Variants in PCDHGB4 observed in about 807,000 individuals in gnomAD.
PCDHGB4 encodes protocadherin gamma-B4.
In PCDHGB4, 38 loss-of-function variants were observed where a neutral mutation model predicts 60.5. That is an observed-to-expected ratio of 0.63 (90% confidence interval 0.48 to 0.82). The LOEUF is 0.82. Ranked by LOEUF, PCDHGB4 falls within the 40% of genes least tolerant of loss-of-function variation. The pLI is 0.00. For missense variants in PCDHGB4, 1,109 were observed against 1,209.6 expected (o/e 0.92, Z 1.23); for synonymous variants, 456 against 509.7 (o/e 0.89, Z 1.42).
At chr5:141,414,083 G>C (rs964114178) in intron 1 of PCDHGB4, 1 of 1,601,124 alleles carries the variant, frequency 6.2e-7, no homozygotes, top group Non-Finnish European at 8.5e-7. Context: ...AAATATACTG[G>C]AGAAATAAAA....
At chr5:141,418,392 T>C (rs753094664) in intron 1 of PCDHGB4, 1 of 1,613,996 alleles carries the variant, frequency 6.2e-7, no homozygotes, top group Non-Finnish European at 8.5e-7. Context: ...AACGAGTATT[T>C]CTCATTGGTG....
intron 1 of PCDHGB4, among the ~76,000 whole-genome samples, chr5:141,436,923 T>C (rs2097854286): frequency 6.6e-6 from 1 of 152,224 alleles, no homozygotes; most frequent in African/African-American, 2.4e-5. Flanking sequence ...GAGTGTTACT[T>C]TTTCTTTGTC....
chr5:141,414,684 AC>A (rs1561750824), intron 1 of PCDHGB4: 1 of 1,613,924 alleles, frequency 6.2e-7, no homozygotes, highest in Admixed American at 1.7e-5. Flanking sequence ...TCCAGGGGGT[AC>A]CTCTGTCCTC....
rs138408376 is a variant in PCDHGB4 at position 141,421,859 on chromosome 5, T to C, written c.2397+31578T>C. The stretch of plus-strand genomic sequence containing the variant: ...CGAGAGAAAGAGGCTGCTCACCTGC[T>C]CCTCCTCACAGCTTTAGATGGAGGC... On this transcript the variant is annotated intron_variant, in intron 1 of 3. Coordinates refer to ENST00000519479, the MANE Select transcript of PCDHGB4 (RefSeq NM_003736.4). The C allele has an allele frequency of 1.7e-3, 2,741 of 1,613,710 alleles. 8 individuals carry two copies. Among genetic ancestry groups the C allele is most frequent in the Middle Eastern group, 8.1e-3 (49 of 6,062 alleles).
chr5:141,450,916 C>T (rs1168320527), intron 1 of PCDHGB4, among the ~76,000 whole-genome samples: 1 of 151,580 alleles, frequency 6.6e-6, no homozygotes, highest in Admixed American at 6.6e-5. Flanking sequence ...CCGCTGCCTC[C>T]CAGATTCAAG....
rs1554136305 is a variant in PCDHGB4, at chr5:141,450,006, CT to C, written c.2398-44783del. Reference sequence around the variant, plus strand: ...CACATTGCATTTAGTTGCCATGTCTCTTTTTTTTTTTTTTTTTTGAGACAGG... The same window carrying C: ...CACATTGCATTTAGTTGCCATGTCTCTTTTTTTTTTTTTTTTTGAGACAGG... On this transcript the variant is annotated intron_variant, in intron 1 of 3. Coordinates refer to ENST00000519479, the MANE Select transcript of PCDHGB4 (RefSeq NM_003736.4). Among the ~76,000 whole-genome samples, 140 of 132,944 alleles carry C rather than the reference CT, an allele frequency of 1.1e-3. 2 individuals are homozygous for C. In the Middle Eastern group the frequency reaches 0.016, roughly 15 times the overall value. 87.2% of individuals were successfully genotyped at this position (132,944 alleles called of 152,430 possible). A position where few individuals can be genotyped will look rare whatever the true frequency, so the allele number is the denominator to read the frequency against.
intron 1 of PCDHGB4, chr5:141,478,292 CTATA>C (rs1257685524): frequency 6.2e-7 from 1 of 1,614,146 alleles, no homozygotes; most frequent in Admixed American, 1.7e-5. Flanking sequence ...GTCTAGAGAC[CTATA>C]CCGAGCCCCG....
intron 2 of PCDHGB4, among the ~76,000 whole-genome samples, chr5:141,505,180 A>G (rs1435197883): frequency 6.6e-6 from 1 of 152,200 alleles, no homozygotes; most frequent in Non-Finnish European, 1.5e-5. Context: ...AGAAAAAAGC[A>G]TCGGAGGCAG....
chr5:141,471,843 T>C (rs1471729261), intron 1 of PCDHGB4, among the ~76,000 whole-genome samples: 2 of 152,166 alleles, frequency 1.3e-5, no homozygotes, highest in Admixed American at 6.5e-5. Context: ...TTTAATAAAA[T>C]ATTCAGAAAA....
At chr5:141,403,425 T>C in intron 1 of PCDHGB4, 1 of 1,614,040 alleles carries the variant, frequency 6.2e-7, no homozygotes, top group South Asian at 1.1e-5. Context: ...CCAGAAGCTA[T>C]TGATCCGGAT....
intron 1 of PCDHGB4, chr5:141,404,272 G>A (rs2094505108): frequency 6.2e-7 from 1 of 1,613,834 alleles, no homozygotes; most frequent in Non-Finnish European, 8.5e-7. Flanking sequence ...ACATCACCCT[G>A]CAAGTGACTG....
intron 1 of PCDHGB4, among the ~76,000 whole-genome samples, chr5:141,470,212 C>A (rs756256854): frequency 2.0e-5 from 3 of 152,116 alleles, no homozygotes; most frequent in Non-Finnish European, 4.4e-5. Context: ...AAGGCTAAAC[C>A]ATTCAGCTTC....
chr5:141,419,523 G>T (rs553587727), intron 1 of PCDHGB4: 21 of 1,612,086 alleles, frequency 1.3e-5, no homozygotes, highest in East Asian at 2.2e-5. Flanking sequence ...GTGGGCGACC[G>T]TAACGACAAC....
intron 1 of PCDHGB4, among the ~76,000 whole-genome samples, chr5:141,463,642 G>A (rs573143516): frequency 6.6e-6 from 1 of 151,750 alleles, no homozygotes; most frequent in South Asian, 2.1e-4. Context: ...TAGTAGAGAC[G>A]GGGTTTCACC....
At chr5:141,428,823 T>C (rs2097162740) in intron 1 of PCDHGB4, 1 of 152,274 alleles carries the variant, frequency 6.6e-6, no homozygotes, top group Non-Finnish European at 1.5e-5. Context: ...TTAGCTTTCA[T>C]GTATTTTTGA....
chr5:141,444,902 G>A (rs1442325957), intron 1 of PCDHGB4, among the ~76,000 whole-genome samples: 1 of 152,160 alleles, frequency 6.6e-6, no homozygotes, highest in Non-Finnish European at 1.5e-5. Context: ...GGATGGCATT[G>A]CATCTATACC....
At chr5:141,417,949 TGA>T (rs2096196504) in intron 1 of PCDHGB4, 1 of 1,613,400 alleles carries the variant, frequency 6.2e-7, no homozygotes, top group Non-Finnish European at 8.5e-7. Context: ...CCACGCTGTG[TGA>T]GCCGATCCGC....
At chr5:141,393,592 G>T (rs200863279) in intron 1 of PCDHGB4, 1 of 1,613,908 alleles carries the variant, frequency 6.2e-7, no homozygotes, top group South Asian at 1.1e-5. Flanking sequence ...CCAGGCACGC[G>T]GCTGCTTACT....
In PCDHGB4 at chr5:141,432,002, G is replaced by T; in HGVS notation, c.2397+41721G>T. The T allele has an allele frequency of 6.2e-7, 1 of 1,614,186 alleles. No homozygotes were observed. The highest frequency in any genetic ancestry group is 1.1e-5 in the South Asian group (1 of 91,090). ...AGACATAGTCTTGGATAGGGAACAGGTTCCTAGCTACAACATCACAGTGAC... is the reference window on the plus strand; with the variant it reads ...AGACATAGTCTTGGATAGGGAACAGTTTCCTAGCTACAACATCACAGTGAC... On this transcript the variant is annotated intron_variant, in intron 1 of 3. Coordinates refer to ENST00000519479, the MANE Select transcript of PCDHGB4 (RefSeq NM_003736.4). The surrounding 1 kb of genome is among the most constrained non-coding windows in gnomAD (Gnocchi z 6.0).
Sources: allele counts gnomAD v4.1 joint callset (sites outside exome capture counted in the v4.1 genomes callset), GRCh38; gene constraint gnomAD v4.1.1; non-coding constraint Gnocchi (gnomAD v3.1); transcripts MANE v1.5; gene names NCBI Gene and HGNC (gene_info 2026-07-23, HGNC 2026-07-21).